The following GPBP1L1 variants were observed in gnomAD, a reference collection of about 807,000 sequenced individuals.
GPBP1L1 encodes vasculin-like protein 1.
Under a neutral mutation model 52.5 loss-of-function variants are expected in GPBP1L1, and 23 were observed. That is an observed-to-expected ratio of 0.44 (90% CI 0.32 to 0.62). The LOEUF (loss-of-function observed/expected upper bound fraction) is 0.62. Ranked by LOEUF, GPBP1L1 falls within the 20% of genes least tolerant of loss-of-function variation. The pLI is 0.06. For missense variants in GPBP1L1, 596 were observed against 579.3 expected (o/e 1.03, Z -0.30); for synonymous variants, 243 against 203.1 (o/e 1.20, Z -1.67).
chr1:45,686,215 G>T (rs1045029339), intron 1 of GPBP1L1, among the ~76,000 whole-genome samples, 197 bp downstream of exon 1: 1 of 152,244 alleles, frequency 6.6e-6, no homozygotes, highest in Non-Finnish European at 1.5e-5. Context: ...ATGCACGGGG[G>T]AGGCGGGGGT....
At chr1:45,629,036 T>G (rs1032402993) in intron 12 of GPBP1L1, among the ~76,000 whole-genome samples, 14 of 152,224 alleles carry the variant, frequency 9.2e-5, no homozygotes, top group African/African-American at 3.4e-4. Context: ...TTTTAAGGAC[T>G]TGGCCAATTG....
At chr1:45,629,094 C>T (rs866308983) in intron 12 of GPBP1L1, among the ~76,000 whole-genome samples, 4 of 152,150 alleles carry the variant, frequency 2.6e-5, no homozygotes, top group South Asian at 2.1e-4. Flanking sequence ...TATAGAAACC[C>T]CATTTGTCTT....
At chr1:45,640,609 A>T (rs1644659852) in intron 7 of GPBP1L1, among the ~76,000 whole-genome samples, 1 of 152,218 alleles carries the variant, frequency 6.6e-6, no homozygotes, top group African/African-American at 2.4e-5. Context: ...GAGGAACTGG[A>T]TACTAAATTT....
chr1:45,640,817 C>A (rs1239215153), intron 7 of GPBP1L1, among the ~76,000 whole-genome samples: 4 of 152,092 alleles, frequency 2.6e-5, no homozygotes, highest in Non-Finnish European at 5.9e-5. Context: ...CGAGACCAGC[C>A]TGGGCTGGCA....
At chr1:45,656,854 TA>T (rs1481773350) in intron 4 of GPBP1L1, among the ~76,000 whole-genome samples, 2 of 147,310 alleles carry the variant, frequency 1.4e-5, no homozygotes, top group Non-Finnish European at 3.0e-5. Context: ...GTTTTTTTTT[TA>T]AATTTTTCTT....
intron 2 of GPBP1L1, among the ~76,000 whole-genome samples, chr1:45,683,646 G>T (rs1296303131): frequency 3.3e-5 from 5 of 149,430 alleles, no homozygotes; most frequent in Admixed American, 6.7e-5. Flanking sequence ...AGGCCAAAGT[G>T]AGCAGATTGC....
At position 45,630,599 on chromosome 1, in the gene GPBP1L1, T is replaced by A. The variant is rs370260988; in HGVS notation, c.1052A>T (p.Asp351Val). The change falls in exon 11 of 13, where the codon GAC becomes GTC. Residue 351 changes from aspartate to valine, a missense_variant. Asp to Val is a radical substitution (Grantham distance 152). Coordinates refer to ENST00000355105, the MANE Select transcript of GPBP1L1 (RefSeq NM_021639.5). ...RDCDKLEDLE[D>V]NSTPEPKENG... ...TTCCTTTGGTTCAGGTGTGCTGTTGTCCTCCAACTGCAATAAGGAAAAGGA... is the reference window on the plus strand; with the variant it reads ...TTCCTTTGGTTCAGGTGTGCTGTTGACCTCCAACTGCAATAAGGAAAAGGA... 1.9e-6 allele frequency: 3 copies of A among 1,613,856 alleles called. No individual in the cohort carries two copies. The African/African-American group carries it at 4.0e-5, about 22-fold the overall frequency.
In GPBP1L1 at chr1:45,660,549, G is replaced by C; in HGVS notation, c.-421C>G. The C allele has an allele frequency of 5.1e-6, 5 of 985,136 alleles. No individual in the cohort carries two copies. Among genetic ancestry groups the C allele is most frequent in the Non-Finnish European group, 4.8e-6 (4 of 829,704 alleles). 61.0% of individuals were successfully genotyped at this position (985,136 alleles called of 1,614,324 possible). ...GATGTTGCTTAATTAGGTAAGACAT[G>C]GATATTTGCACCGAGTGCAAATACT... On this transcript the variant is annotated 5_prime_UTR_variant, in exon 3 of 13. Transcript: ENST00000355105.
intron 8 of GPBP1L1, 138 bp downstream of exon 8, chr1:45,640,072 A>C: frequency 1.8e-6 from 1 of 550,552 alleles, no homozygotes; most frequent in Non-Finnish European, 3.1e-6. Flanking sequence ...AAAAGCAAAG[A>C]AAGCTGTATA....
chr1:45,642,522 G>A (rs771071093), intron 6 of GPBP1L1, 23 bp from the exon 7 acceptor site: 1 of 1,587,972 alleles, frequency 6.3e-7, no homozygotes, highest in Non-Finnish European at 8.6e-7. Flanking sequence ...GGATATGAAT[G>A]GTTGATACAG....
chr1:45,662,482 C>A (rs1165421680), intron 2 of GPBP1L1, among the ~76,000 whole-genome samples: 1 of 152,100 alleles, frequency 6.6e-6, no homozygotes, highest in Non-Finnish European at 1.5e-5. Flanking sequence ...ATTTTTGCAT[C>A]TATGGGCAAT....
chr1:45,655,965 T>C (rs1373121553), intron 4 of GPBP1L1: 1 of 152,372 alleles, frequency 6.6e-6, no homozygotes, highest in Non-Finnish European at 1.5e-5. Flanking sequence ...GAGATGGGGG[T>C]CTCACTATGT....
intron 2 of GPBP1L1, among the ~76,000 whole-genome samples, chr1:45,663,049 T>TAAAA (rs1211847843): frequency 6.5e-5 from 1 of 15,346 alleles, no homozygotes; most frequent in Non-Finnish European, 1.5e-4. Flanking sequence ...AGACTCTGTC[T>TAAAA]CAAAAAAAAA....
chr1:45,685,897 T>G (rs572065518), intron 1 of GPBP1L1, among the ~76,000 whole-genome samples: 1 of 152,308 alleles, frequency 6.6e-6, no homozygotes, highest in African/African-American at 2.4e-5. Context: ...AGACTCAATC[T>G]AAGCGAAAAC....
At chr1:45,645,278 A>C (rs1027216219) in intron 6 of GPBP1L1, among the ~76,000 whole-genome samples, 8 of 152,212 alleles carry the variant, frequency 5.3e-5, no homozygotes, top group Non-Finnish European at 1.2e-4. Flanking sequence ...AGAACCGCCT[A>C]GAAGTATGTA....
chr1:45,639,505 T>C (rs757868443), intron 8 of GPBP1L1, among the ~76,000 whole-genome samples: 1 of 150,740 alleles, frequency 6.6e-6, no homozygotes, highest in Non-Finnish European at 1.5e-5. Context: ...GGCAGGAGGA[T>C]TCCTTGAGGC....
At chr1:45,683,451 C>T (rs899625017) in intron 2 of GPBP1L1, among the ~76,000 whole-genome samples, 4 of 150,940 alleles carry the variant, frequency 2.7e-5, no homozygotes, top group African/African-American at 9.7e-5. Flanking sequence ...GTGATCCGCC[C>T]GCCTCGGCCT....
intron 2 of GPBP1L1, among the ~76,000 whole-genome samples, chr1:45,667,835 C>CCT (rs1645028544): frequency 6.6e-6 from 1 of 152,178 alleles, no homozygotes; most frequent in Non-Finnish European, 1.5e-5. Context: ...GCAACCCCCA[C>CCT]CTCCTGGGTT....
chr1:45,655,083 T>C (rs1644868650), intron 5 of GPBP1L1, 107 bp downstream of exon 5: 1 of 1,404,530 alleles, frequency 7.1e-7, no homozygotes, highest in African/African-American at 1.4e-5. Flanking sequence ...AAATGAAAAC[T>C]ATGTTCAGAA....
Sources: allele counts gnomAD v4.1 joint callset (sites outside exome capture counted in the v4.1 genomes callset), GRCh38; gene constraint gnomAD v4.1.1; transcripts MANE v1.5; gene names NCBI Gene and HGNC (gene_info 2026-07-23, HGNC 2026-07-21).